The following RPP30 variants were observed in gnomAD, a reference collection of about 807,000 sequenced individuals.
RPP30 encodes ribonuclease P protein subunit p30.
In RPP30, 36 loss-of-function variants were observed where a neutral mutation model predicts 38.6. That is an observed-to-expected ratio of 0.93 (90% CI 0.71 to 1.23). RPP30 has a LOEUF of 1.23. RPP30 is among the 50% of genes most tolerant of loss of function. RPP30 has a pLI of 0.00. For missense variants in RPP30, 321 were observed against 321.7 expected (o/e 1.00, Z 0.02); for synonymous variants, 126 against 112.7 (o/e 1.12, Z -0.75).
downstream of RPP30, among the ~76,000 whole-genome samples, chr10:90,904,967 A>T (rs1463613886): frequency 6.6e-6 from 1 of 152,204 alleles, no homozygotes. Context: ...AAAGATTTAA[A>T]TTTTTTAACA....
chr10:90,900,531 T>G (rs1847187745), intron 10 of RPP30, 39 bp from the exon 11 acceptor site: 1 of 1,583,790 alleles, frequency 6.3e-7, no homozygotes, highest in African/African-American at 1.4e-5. Flanking sequence ...AAATTATGTC[T>G]TAACTTCAAG....
downstream of RPP30, chr10:90,903,189 A>T: frequency 6.4e-7 from 1 of 1,557,402 alleles, no homozygotes; most frequent in Non-Finnish European, 8.9e-7. Flanking sequence ...TTCTGCTTTA[A>T]AGGAACTAGA....
intron 5 of RPP30, among the ~76,000 whole-genome samples, chr10:90,879,532 T>C (rs150058777): frequency 6.6e-6 from 1 of 152,314 alleles, no homozygotes; most frequent in East Asian, 1.9e-4. Context: ...AGCATAAAAG[T>C]TTCTACCTCT....
At chr10:90,882,696 C>T (rs1846946071) in intron 5 of RPP30, among the ~76,000 whole-genome samples, 1 of 147,168 alleles carries the variant, frequency 6.8e-6, no homozygotes, top group Admixed American at 6.8e-5. Flanking sequence ...GGATCCAGTG[C>T]CTTGTGCCTG....
chr10:90,883,234 T>C (rs964938179), intron 5 of RPP30, among the ~76,000 whole-genome samples: 1 of 151,290 alleles, frequency 6.6e-6, no homozygotes, highest in African/African-American at 2.4e-5. Flanking sequence ...TGTGTATATA[T>C]GTGTGCATTT....
intron 6 of RPP30, among the ~76,000 whole-genome samples, chr10:90,893,891 A>AT (rs1473484999): frequency 6.6e-6 from 1 of 152,232 alleles, no homozygotes. Flanking sequence ...TTGTGAATGG[A>AT]TGCAGACATT....
chr10:90,881,421 C>T (rs184011628), intron 5 of RPP30, among the ~76,000 whole-genome samples: 1 of 152,216 alleles, frequency 6.6e-6, no homozygotes, highest in Admixed American at 6.5e-5. Context: ...CTGTTTTTCT[C>T]AGACTTAAAG....
At position 90,894,698 on chromosome 10, in the gene RPP30, T is replaced by G. The variant is rs1589500900; in HGVS notation, c.433-77T>G. 1.5e-5 allele frequency: 15 copies of G among 991,860 alleles called. No homozygotes were observed. In the East Asian group the frequency reaches 3.6e-4, roughly 24 times the overall value. The allele number at this position is 991,860 out of a possible 1,614,324, so 61.4% of individuals were successfully genotyped here. On this transcript the variant is annotated intron_variant, in intron 6 of 10. Coordinates refer to ENST00000371703, the MANE Select transcript of RPP30 (RefSeq NM_006413.5). ...GTCAGTAGTAGGGAGTGAGGAGGGA[T>G]GTGAAGAGAGAATCAGTGAAAATGA...
chr10:90,872,217 G>A, intron 1 of RPP30, 149 bp downstream of exon 1: 1 of 681,618 alleles, frequency 1.5e-6, no homozygotes, highest in South Asian at 1.7e-5. Flanking sequence ...CGAGGTGTTG[G>A]TCTGATTCCT....
At chr10:90,879,601 T>A (rs1290841422) in intron 5 of RPP30, among the ~76,000 whole-genome samples, 1 of 152,260 alleles carries the variant, frequency 6.6e-6, no homozygotes, top group African/African-American at 2.4e-5. Flanking sequence ...CATGATTGTC[T>A]CAGCTTTTAG....
chr10:90,900,556 T>A lies in RPP30; in HGVS notation c.698-14T>A. On this transcript the variant is annotated splice_polypyrimidine_tract_variant and intron_variant, in intron 10 of 10. Coordinates refer to ENST00000371703, the MANE Select transcript of RPP30 (RefSeq NM_006413.5). ...TTAACTTCAAGCACAGTGGTTTCCC[T>A]GTTTGTTTTACAGAAACTAGAAAAA... 1 of 1,607,208 alleles carries A rather than the reference T, an allele frequency of 6.2e-7. No individual in the cohort carries two copies. The highest frequency in any genetic ancestry group is 8.5e-7 in the Non-Finnish European group (1 of 1,177,242).
downstream of RPP30, chr10:90,905,255 G>C (rs1315744299): frequency 1.3e-5 from 2 of 152,052 alleles, no homozygotes; most frequent in Non-Finnish European, 2.9e-5. Context: ...TATATTGCCA[G>C]TGCTTCAGAT....
chr10:90,903,874 G>C (rs994776282), downstream of RPP30, among the ~76,000 whole-genome samples: 2 of 152,090 alleles, frequency 1.3e-5, no homozygotes, highest in East Asian at 1.9e-4. Flanking sequence ...AAAACTTAAT[G>C]AAAGTAATAA....
chr10:90,884,483 A>G lies in RPP30; in HGVS notation c.343-1329A>G, dbSNP rs975225695. On this transcript the variant is annotated intron_variant, in intron 5 of 10. Transcript: ENST00000371703. The stretch of plus-strand genomic sequence containing the variant: ...CAGAGCTGAATTTGTTTCAGCTATC[A>G]TTCAGAGCTTTTCTTCATCCACTCT... 8.5e-5 allele frequency among the ~76,000 whole-genome samples: 13 copies of G among 152,306 alleles called. No individual in the cohort carries two copies. In the East Asian group the frequency reaches 1.5e-3, roughly 18 times the overall value.
intron 7 of RPP30, 83 bp from the exon 8 acceptor site, chr10:90,895,371 A>T: frequency 2.5e-6 from 2 of 785,828 alleles, no homozygotes; most frequent in Non-Finnish European, 4.1e-6. Context: ...AAATGTTAAA[A>T]TATGATTACT....
chr10:90,896,304 TCCC>T lies in RPP30; in HGVS notation c.618-6_618-4del. Reference sequence around the variant, plus strand: ...GACTCTGGGTTGAAATCTTTAATGCTCCCCCAAGAGGCTTGCTGTTTGGGCTCT... The same window carrying T: ...GACTCTGGGTTGAAATCTTTAATGCTCCAAGAGGCTTGCTGTTTGGGCTCT... On this transcript the variant is annotated splice_polypyrimidine_tract_variant and splice_region_variant and intron_variant, in intron 9 of 10. Transcript: ENST00000371703. The T allele has an allele frequency of 6.2e-7, 1 of 1,613,058 alleles. No individual in the cohort carries two copies. The highest frequency in any genetic ancestry group is 1.1e-5 in the South Asian group (1 of 91,016).
At position 90,899,387 on chromosome 10, in the gene RPP30, G is replaced by A. The variant is rs576037581; in HGVS notation, c.698-1183G>A. Among the ~76,000 whole-genome samples the A allele has an allele frequency of 2.6e-3, 401 of 152,292 alleles. 1 individual carries two copies. Among genetic ancestry groups the A allele is most frequent in the African/African-American group, 9.0e-3 (373 of 41,560 alleles). On this transcript the variant is annotated intron_variant, in intron 10 of 10. Transcript: ENST00000371703. The stretch of plus-strand genomic sequence containing the variant: ...GGAAAATAATGCTTAACACTTTATG[G>A]TTGACTTTACGTTTATTACTTGAAA...
chr10:90,882,828 A>G lies in RPP30; in HGVS notation c.343-2984A>G, dbSNP rs1413754682. Among the ~76,000 whole-genome samples, 3 of 152,222 alleles carry G rather than the reference A, an allele frequency of 2.0e-5. No homozygotes were observed. The East Asian group carries it at 5.8e-4, about 29-fold the overall frequency. On this transcript the variant is annotated intron_variant, in intron 5 of 10. Transcript: ENST00000371703. ...TTAAAAAATAAAAGTAAATGGAAAT[A>G]AAAGTTTTATTTTCTTCCTGCTCCT...
chr10:90,893,736 A>C (rs941515654), intron 6 of RPP30, among the ~76,000 whole-genome samples: 2 of 151,882 alleles, frequency 1.3e-5, no homozygotes, highest in African/African-American at 4.8e-5. Context: ...TTCTTCCTCA[A>C]CCCTAAACTT....
Sources: allele counts gnomAD v4.1 joint callset (sites outside exome capture counted in the v4.1 genomes callset), GRCh38; gene constraint gnomAD v4.1.1; transcripts MANE v1.5; gene names NCBI Gene and HGNC (gene_info 2026-07-23, HGNC 2026-07-21).